The following GALNTL6 variants were observed in gnomAD, a reference collection of about 807,000 sequenced individuals.
GALNTL6 encodes polypeptide N-acetylgalactosaminyltransferase like 6, also known as polypeptide N-acetylgalactosaminyltransferase-like 6.
Under a neutral mutation model 73.7 loss-of-function variants are expected in GALNTL6, and 46 were observed. The observed-to-expected ratio is 0.62, with a 90% CI of 0.49 to 0.80. The LOEUF is 0.80. Among genes scored for constraint, GALNTL6 ranks in the 30% least tolerant of loss-of-function variants. The probability of loss-of-function intolerance (pLI) is 0.00; values close to 1 mark genes in which losing one functional copy is unlikely to be tolerated. For synonymous variants in GALNTL6, 259 were observed against 263.7 expected (o/e 0.98, Z 0.17); for missense variants, 604 against 755.0 (o/e 0.80, Z 2.34).
intron 5 of GALNTL6, among the ~76,000 whole-genome samples, chr4:172,371,833 G>C (rs1742824784): frequency 6.6e-6 from 1 of 152,118 alleles, no homozygotes; most frequent in Admixed American, 6.5e-5. Flanking sequence ...GATGGCTTCA[G>C]CAGTGGAAGA....
intron 4 of GALNTL6, among the ~76,000 whole-genome samples, chr4:172,317,932 A>G (rs1293459892): frequency 6.6e-6 from 1 of 152,210 alleles, no homozygotes; most frequent in Non-Finnish European, 1.5e-5. Flanking sequence ...CATGCACTCC[A>G]ATTAGGTGTG....
intron 3 of GALNTL6, among the ~76,000 whole-genome samples, chr4:172,236,361 C>T (rs931955296): frequency 5.9e-5 from 9 of 151,954 alleles, no homozygotes; most frequent in African/African-American, 2.2e-4. Flanking sequence ...AGATCGAGAC[C>T]ATGCTGGCTA....
chr4:172,886,292 A>G (rs575643631), intron 8 of GALNTL6, among the ~76,000 whole-genome samples: 1 of 152,128 alleles, frequency 6.6e-6, no homozygotes, highest in African/African-American at 2.4e-5. Flanking sequence ...ACAAGAATTT[A>G]TCTACTTCTT....
chr4:172,304,115 C>T (rs780482823), intron 3 of GALNTL6, among the ~76,000 whole-genome samples: 1 of 152,114 alleles, frequency 6.6e-6, no homozygotes, highest in Admixed American at 6.6e-5. Flanking sequence ...GAGTTAATAA[C>T]TGTGGTGTTC....
At chr4:172,027,564 A>G (rs1741624872) in intron 2 of GALNTL6, among the ~76,000 whole-genome samples, 1 of 152,028 alleles carries the variant, frequency 6.6e-6, no homozygotes, top group African/African-American at 2.4e-5. Flanking sequence ...CTTGAGACCA[A>G]CGATACTGAA....
At chr4:171,931,339 A>C in intron 2 of GALNTL6, among the ~76,000 whole-genome samples, 1 of 152,134 alleles carries the variant, frequency 6.6e-6, no homozygotes, top group East Asian at 1.9e-4. Context: ...GAACCACCAC[A>C]ACCGGCCCAG....
In GALNTL6 at chr4:172,081,618, C is replaced by G. The variant is rs143895447; in HGVS notation, c.139-148038C>G. Among the ~76,000 whole-genome samples the G allele has an allele frequency of 8.3e-3, 1,256 of 152,230 alleles. 18 individuals are homozygous for G. Among genetic ancestry groups the G allele is most frequent in the African/African-American group, 0.028 (1,182 of 41,522 alleles). ...GCACCACTGCACTCCAGCCTGGTGA[C>G]AGAGCAAGACTCCGTTTCAAAAATA... On this transcript the variant is annotated intron_variant, in intron 2 of 12. Transcript: ENST00000506823.
At chr4:172,848,964 A>T (rs750268889) in intron 7 of GALNTL6, among the ~76,000 whole-genome samples, 3 of 152,180 alleles carry the variant, frequency 2.0e-5, no homozygotes, top group Non-Finnish European at 2.9e-5. Context: ...AATCTTCATC[A>T]TTAAAATGGT....
At chr4:172,078,499 A>G (rs1181295125) in intron 2 of GALNTL6, among the ~76,000 whole-genome samples, 1 of 152,180 alleles carries the variant, frequency 6.6e-6, no homozygotes, top group Admixed American at 6.5e-5. Context: ...ATACAGCTAG[A>G]ATTTTATTTA....
chr4:172,320,245 G>A (rs918611877), intron 4 of GALNTL6, among the ~76,000 whole-genome samples: 3 of 152,008 alleles, frequency 2.0e-5, no homozygotes, highest in South Asian at 2.1e-4. Context: ...GTGATTTCAC[G>A]TGAGTGATGC....
intron 4 of GALNTL6, among the ~76,000 whole-genome samples, chr4:172,346,986 TTC>T (rs1293622749): frequency 2.3e-5 from 3 of 128,776 alleles, no homozygotes; most frequent in African/African-American, 9.7e-5. Context: ...TTTGTTTTCT[TTC>T]TTTTTTTTTT....
intron 2 of GALNTL6, among the ~76,000 whole-genome samples, chr4:171,918,908 A>G (rs1457041200): frequency 6.6e-6 from 1 of 152,138 alleles, no homozygotes; most frequent in African/African-American, 2.4e-5. Flanking sequence ...TTACTGCATG[A>G]TTCTAGTTAT....
At chr4:172,386,166 T>A (rs1029817447) in intron 5 of GALNTL6, among the ~76,000 whole-genome samples, 2 of 152,138 alleles carry the variant, frequency 1.3e-5, no homozygotes, top group Non-Finnish European at 2.9e-5. Context: ...GAAGAAAAAA[T>A]TTACAAAAAT....
intron 2 of GALNTL6, among the ~76,000 whole-genome samples, chr4:171,976,520 T>C (rs1739726271): frequency 6.6e-6 from 1 of 152,228 alleles, no homozygotes; most frequent in Non-Finnish European, 1.5e-5. Flanking sequence ...TTGTATGGTG[T>C]ATCCACTGAA....
At position 173,027,019 on chromosome 4, in the gene GALNTL6, G is replaced by A. The variant is rs114928332; in HGVS notation, c.1638+5394G>A. ...ATATAATTTTTTGAGACGGACTTTC[G>A]CTCTGTCAGCCAAGCTGGAGTGCAG... On this transcript the variant is annotated intron_variant, in intron 12 of 12. Coordinates refer to ENST00000506823, the MANE Select transcript of GALNTL6 (RefSeq NM_001034845.3). 6.8e-3 allele frequency among the ~76,000 whole-genome samples: 1,035 copies of A among 152,070 alleles called. 14 individuals are homozygous for A. Among genetic ancestry groups the A allele is most frequent in the African/African-American group, 0.024 (984 of 41,482 alleles).
At chr4:172,531,596 CTT>C (rs1265862297) in intron 5 of GALNTL6, among the ~76,000 whole-genome samples, 2 of 152,196 alleles carry the variant, frequency 1.3e-5, no homozygotes, top group African/African-American at 4.8e-5. Context: ...ATTGCAACCT[CTT>C]CTCCAGGATG....
intron 2 of GALNTL6, chr4:171,815,683 C>T (rs1208998373): frequency 6.6e-6 from 1 of 152,200 alleles, no homozygotes; most frequent in Admixed American, 6.5e-5. Context: ...AGGGTCATCA[C>T]CCATGAACAC....
At chr4:172,235,488 T>C (rs1250156254) in intron 3 of GALNTL6, among the ~76,000 whole-genome samples, 2 of 152,214 alleles carry the variant, frequency 1.3e-5, no homozygotes, top group Admixed American at 1.3e-4. Flanking sequence ...ATTACAGGCA[T>C]GAGCCATTGT....
chr4:172,406,527 T>C (rs1744244091), intron 5 of GALNTL6, among the ~76,000 whole-genome samples: 1 of 151,970 alleles, frequency 6.6e-6, no homozygotes, highest in Non-Finnish European at 1.5e-5. Flanking sequence ...ACAAAAAATA[T>C]TGTCTTCAAG....
Sources: gnomAD v4.1 joint callset for allele counts (sites outside exome capture counted in the v4.1 genomes callset) on GRCh38, gnomAD v4.1.1 for gene constraint, MANE v1.5 for transcripts, NCBI Gene and HGNC (gene_info 2026-07-23, HGNC 2026-07-21) for gene names.